The following SVOP variants were observed in gnomAD, a reference collection of about 807,000 sequenced individuals.
SVOP encodes SV2 related protein.
SVOP carries 17 observed loss-of-function variants against 69.1 expected under a neutral mutation model. That is an observed-to-expected ratio of 0.25 (90% CI 0.17 to 0.37). The LOEUF is 0.37. SVOP is among the 10% of genes least tolerant of loss of function. The pLI, the probability that SVOP is intolerant of heterozygous loss-of-function variation, is 1.00. For missense variants in SVOP, 435 were observed against 597.5 expected, an observed-to-expected ratio of 0.73 and a Z score of 2.84; for synonymous variants, 238 against 238.6, an observed-to-expected ratio of 1.00 and a Z score of 0.02.
chr12:108,930,414 T>C (rs1480361610), intron 11 of SVOP, among the ~76,000 whole-genome samples: 1 of 147,592 alleles, frequency 6.8e-6, no homozygotes, highest in African/African-American at 2.5e-5. Flanking sequence ...CTTATTTGAA[T>C]AGAGTTTGAA....
At chr12:108,984,659 A>G (rs1161333125) in intron 1 of SVOP, among the ~76,000 whole-genome samples, 2 of 152,172 alleles carry the variant, frequency 1.3e-5, no homozygotes, top group African/African-American at 4.8e-5. Context: ...ATGTCCTTCA[A>G]ACTATGCTGT....
At chr12:108,943,335 C>T (rs543791338) in intron 7 of SVOP, among the ~76,000 whole-genome samples, 2 of 152,016 alleles carry the variant, frequency 1.3e-5, no homozygotes, top group South Asian at 4.2e-4. Context: ...CAGTGGCTCA[C>T]ACCTGTAATC....
intron 1 of SVOP, among the ~76,000 whole-genome samples, chr12:109,005,590 A>G (rs1199048114): frequency 6.6e-6 from 1 of 152,208 alleles, no homozygotes; most frequent in African/African-American, 2.4e-5. Flanking sequence ...CAAAGGAAAT[A>G]TATCTTGAGG....
rs1203075871 is a variant in SVOP, at chr12:108,958,024, A to G, written c.578+2899T>C. On this transcript the variant is annotated intron_variant, in intron 6 of 15. Coordinates refer to ENST00000610966, the MANE Select transcript of SVOP (RefSeq NM_018711.5). Reference sequence around the variant, plus strand: ...GCTGCATAACACATTTGAGTCAACAACAGACCACATATATGATGGTGGTCC... The same window carrying G: ...GCTGCATAACACATTTGAGTCAACAGCAGACCACATATATGATGGTGGTCC... Among the ~76,000 whole-genome samples, 3 of 152,400 alleles carry G rather than the reference A, an allele frequency of 2.0e-5. No individual in the cohort carries two copies. In the East Asian group the frequency reaches 5.8e-4, roughly 29 times the overall value.
intron 1 of SVOP, among the ~76,000 whole-genome samples, chr12:108,991,921 G>A (rs769840036): frequency 6.6e-6 from 1 of 152,090 alleles, no homozygotes; most frequent in East Asian, 1.9e-4. Flanking sequence ...ACCTAGCCTG[G>A]ACAACAGAGT....
At chr12:108,988,637 T>C (rs2040179697) in intron 1 of SVOP, among the ~76,000 whole-genome samples, 1 of 152,208 alleles carries the variant, frequency 6.6e-6, no homozygotes. Context: ...GTTTTGAAAT[T>C]GGAAAGTGTG....
intron 1 of SVOP, among the ~76,000 whole-genome samples, chr12:109,018,698 G>A (rs1283021654): frequency 6.6e-6 from 1 of 152,030 alleles, no homozygotes; most frequent in East Asian, 1.9e-4. Flanking sequence ...ACATTTCAGG[G>A]CTAATTTTGA....
At chr12:108,994,217 G>A (rs1443447767) in intron 1 of SVOP, among the ~76,000 whole-genome samples, 1 of 152,204 alleles carries the variant, frequency 6.6e-6, no homozygotes, top group Non-Finnish European at 1.5e-5. Context: ...TACGGGGCAA[G>A]GCACAGTGCC....
intron 7 of SVOP, among the ~76,000 whole-genome samples, chr12:108,944,550 T>C (rs943613396): frequency 9.9e-5 from 15 of 152,120 alleles, no homozygotes; most frequent in African/African-American, 3.4e-4. Context: ...GAGGGGGCCA[T>C]TGGGCAGCTG....
chr12:108,961,091 C>T (rs1224040779), intron 5 of SVOP, 44 bp from the exon 6 acceptor site: 1 of 1,517,378 alleles, frequency 6.6e-7, no homozygotes, highest in Non-Finnish European at 8.8e-7. Context: ...TTTTCAGCAC[C>T]TCCAGGTAGC....
At chr12:108,957,156 A>T (rs1259135125) in intron 6 of SVOP, among the ~76,000 whole-genome samples, 1 of 152,070 alleles carries the variant, frequency 6.6e-6, no homozygotes, top group Non-Finnish European at 1.5e-5. Flanking sequence ...GAGACACAGC[A>T]AGAGTCTCAG....
At position 108,938,847 on chromosome 12, in the gene SVOP, T is replaced by C; in HGVS notation, c.877A>G (p.Lys293Glu). 1 of 1,614,014 alleles carries C rather than the reference T, an allele frequency of 6.2e-7. No individual in the cohort carries two copies. The highest frequency in any genetic ancestry group is 8.5e-7 in the Non-Finnish European group (1 of 1,179,882). ...TENGAPMPLGKLIISRQEDRG... is the reference protein window; with the variant it reads ...TENGAPMPLGELIISRQEDRG... Reference sequence around the variant, plus strand: ...CTGACCTGTCTGGAGATGATGAGTTTCCCCAGCGGCATGGGAGCTCCGTTT... The same window carrying C: ...CTGACCTGTCTGGAGATGATGAGTTCCCCCAGCGGCATGGGAGCTCCGTTT... Residue 293 changes from lysine to glutamate, a missense_variant, in exon 9 of 16, where the codon AAA becomes GAA. Lys to Glu is a moderately conservative substitution (Grantham distance 56). Transcript: ENST00000610966.
At position 108,996,197 on chromosome 12, in the gene SVOP, G is replaced by T. The variant is rs535033681; in HGVS notation, c.36-12436C>A. 6.6e-5 allele frequency among the ~76,000 whole-genome samples: 10 copies of T among 152,226 alleles called. No homozygotes were observed. In the South Asian group the frequency reaches 2.1e-3, roughly 32 times the overall value. ...AGCTTGGAGAACAAAGTGAGACTCT[G>T]TTTCTCCAAAAAGAAAAAGTGGTAT... On this transcript the variant is annotated intron_variant, in intron 1 of 15. Transcript: ENST00000610966.
chr12:109,007,606 G>A (rs1593208496), intron 1 of SVOP, among the ~76,000 whole-genome samples: 1 of 152,344 alleles, frequency 6.6e-6, no homozygotes, highest in East Asian at 1.9e-4. Context: ...CTGCAACAGA[G>A]GCAGGTGTCC....
intron 1 of SVOP, among the ~76,000 whole-genome samples, chr12:109,018,309 A>G (rs1451102360): frequency 6.6e-6 from 1 of 152,188 alleles, no homozygotes; most frequent in Non-Finnish European, 1.5e-5. Context: ...GTGAAAAACA[A>G]TGGTCTTTTG....
In SVOP at chr12:108,930,156, T is replaced by C. The variant is rs187178567; in HGVS notation, c.1048+4039A>G. 3.3e-4 allele frequency among the ~76,000 whole-genome samples: 51 copies of C among 152,256 alleles called. 2 individuals are homozygous for C. The highest frequency in any genetic ancestry group is 2.9e-3 in the Admixed American group (45 of 15,294). ...CATAAAAATGACCCAAAATTCAAATTTGCATGGAAACACAAGCAATGCTTG... is the reference window on the plus strand; with the variant it reads ...CATAAAAATGACCCAAAATTCAAATCTGCATGGAAACACAAGCAATGCTTG... On this transcript the variant is annotated intron_variant, in intron 11 of 15. Transcript: ENST00000610966.
Position 108,982,776 on chromosome 12 carries a change from C to CCATCATCATCACTAT in SVOP, c.196+810_196+824dup, listed in dbSNP as rs2040145940. ...ATCATCACTATCATCAACATCACCA[C>CCATCATCATCACTAT]CATCATCATCACTATCATCATCATC... On this transcript the variant is annotated intron_variant, in intron 2 of 15. Transcript: ENST00000610966. Among the ~76,000 whole-genome samples the CCATCATCATCACTAT allele has an allele frequency of 3.8e-5, 4 of 104,950 alleles. 1 individual carries two copies. The South Asian group carries it at 1.2e-3, about 33-fold the overall frequency. 68.9% of individuals were successfully genotyped at this position (104,950 alleles called of 152,430 possible). A position where few individuals can be genotyped will look rare whatever the true frequency, so the allele number is the denominator to read the frequency against.
chr12:108,959,452 C>G (rs1389249913), intron 6 of SVOP, among the ~76,000 whole-genome samples: 1 of 149,740 alleles, frequency 6.7e-6, no homozygotes, highest in Non-Finnish European at 1.5e-5. Flanking sequence ...CTCCCAGGTT[C>G]AAGCGATTCT....
intron 6 of SVOP, among the ~76,000 whole-genome samples, chr12:108,946,710 T>TATC (rs1288050471): frequency 2.7e-5 from 4 of 147,140 alleles, no homozygotes; most frequent in Non-Finnish European, 6.0e-5. Context: ...TTATTATTAT[T>TATC]ATTATTATTA....
Sources: allele counts gnomAD v4.1 joint callset (sites outside exome capture counted in the v4.1 genomes callset), GRCh38; gene constraint gnomAD v4.1.1; transcripts MANE v1.5; gene names NCBI Gene and HGNC (gene_info 2026-07-23, HGNC 2026-07-21).